The following RALYL variants were observed in gnomAD, a reference collection of about 807,000 sequenced individuals.
RALYL encodes the protein RNA-binding Raly-like protein.
Under a neutral mutation model 35.1 loss-of-function variants are expected in RALYL, and 29 were observed. That is an observed-to-expected ratio of 0.83 (90% CI 0.61 to 1.13). RALYL has a LOEUF of 1.13. RALYL is among the 50% of genes most tolerant of loss of function. The probability of loss-of-function intolerance (pLI) is 0.00; values close to 1 mark genes in which losing one functional copy is unlikely to be tolerated. For missense variants in RALYL, 359 were observed against 360.4 expected (o/e 1.00, Z 0.03); for synonymous variants, 120 against 127.6 (o/e 0.94, Z 0.40).
At chr8:84,785,499 A>T (rs1407547764) in intron 3 of RALYL, among the ~76,000 whole-genome samples, 1 of 152,242 alleles carries the variant, frequency 6.6e-6, no homozygotes. Flanking sequence ...GACTAAAGTC[A>T]GACATACATG....
At position 84,921,610 on chromosome 8, in the gene RALYL, T is replaced by A. The variant is rs1401503078; in HGVS notation, c.*699T>A. ...TGAGATTCCATGGACAAGTAAGGAC[T>A]AGATTGCCAAGGAAAAGACTGTCTT... On this transcript the variant is annotated 3_prime_UTR_variant, in exon 9 of 9. Transcript: ENST00000521268. 6.6e-6 allele frequency: 1 copy of A among 152,156 alleles called. No homozygotes were observed. The highest frequency in any genetic ancestry group is 1.5e-5 in the Non-Finnish European group (1 of 67,996). 9.4% of individuals were successfully genotyped at this position (152,156 alleles called of 1,614,324 possible).
chr8:84,290,807 A>C (rs529037175), intron 1 of RALYL, among the ~76,000 whole-genome samples: 2 of 152,296 alleles, frequency 1.3e-5, no homozygotes, highest in African/African-American at 4.8e-5. Context: ...ATGTTCATTA[A>C]ATTCTGAAAG....
At chr8:84,729,164 G>T (rs1191394462) in intron 2 of RALYL, among the ~76,000 whole-genome samples, 1 of 152,058 alleles carries the variant, frequency 6.6e-6, no homozygotes, top group Non-Finnish European at 1.5e-5. Context: ...GCAGTGGTTT[G>T]TAGTTCTCCT....
At chr8:84,627,956 G>A (rs977279431) in intron 2 of RALYL, among the ~76,000 whole-genome samples, 7 of 151,982 alleles carry the variant, frequency 4.6e-5, no homozygotes, top group South Asian at 2.1e-4. Context: ...CATTTGGACC[G>A]TTATATTAGA....
intron 2 of RALYL, among the ~76,000 whole-genome samples, chr8:84,756,560 G>T (rs1811452056): frequency 6.6e-6 from 1 of 152,078 alleles, no homozygotes; most frequent in African/African-American, 2.4e-5. Context: ...GAACCCACTA[G>T]TAACACACAC....
At chr8:84,743,438 CA>C (rs879874430) in intron 2 of RALYL, among the ~76,000 whole-genome samples, 202 of 143,216 alleles carry the variant, frequency 1.4e-3, no homozygotes, top group Middle Eastern at 7.1e-3. Context: ...TCACCACCAA[CA>C]AAAAAAAAAA....
At chr8:84,759,950 G>A (rs918142453) in intron 2 of RALYL, among the ~76,000 whole-genome samples, 16 of 152,102 alleles carry the variant, frequency 1.1e-4, no homozygotes, top group Non-Finnish European at 2.4e-4. Flanking sequence ...TTTCAGGCAG[G>A]TACCCAGCAT....
chr8:84,416,864 A>G (rs1358889186), intron 1 of RALYL, among the ~76,000 whole-genome samples: 1 of 152,200 alleles, frequency 6.6e-6, no homozygotes, highest in Non-Finnish European at 1.5e-5. Context: ...AAAGGAAGGA[A>G]TTCTGGTAAA....
At chr8:84,407,139 T>C (rs1345537548) in intron 1 of RALYL, among the ~76,000 whole-genome samples, 1 of 152,002 alleles carries the variant, frequency 6.6e-6, no homozygotes, top group Non-Finnish European at 1.5e-5. Context: ...CCATCTGTCA[T>C]TTCCATATCT....
intron 1 of RALYL, among the ~76,000 whole-genome samples, chr8:84,207,290 A>C (rs1361500271): frequency 6.6e-6 from 1 of 151,978 alleles, no homozygotes; most frequent in Non-Finnish European, 1.5e-5. Flanking sequence ...GAATAAAGAA[A>C]ATGTTATATA....
At chr8:84,291,243 A>G (rs1057264759) in intron 1 of RALYL, among the ~76,000 whole-genome samples, 1 of 152,200 alleles carries the variant, frequency 6.6e-6, no homozygotes, top group Non-Finnish European at 1.5e-5. Context: ...ATCCAGTCTT[A>G]TTTAAAAAAG....
At chr8:84,460,101 T>C (rs1462011113) in intron 1 of RALYL, among the ~76,000 whole-genome samples, 1 of 151,806 alleles carries the variant, frequency 6.6e-6, no homozygotes, top group Non-Finnish European at 1.5e-5. Flanking sequence ...TATACAAATA[T>C]ACCTGGAGGT....
chr8:84,396,802 A>C (rs1861842000), intron 1 of RALYL, among the ~76,000 whole-genome samples: 1 of 152,156 alleles, frequency 6.6e-6, no homozygotes, highest in African/African-American at 2.4e-5. Flanking sequence ...AGTCACATTA[A>C]AATGATCAGG....
intron 1 of RALYL, among the ~76,000 whole-genome samples, chr8:84,424,718 G>A (rs1312018644): frequency 6.6e-5 from 10 of 151,908 alleles, no homozygotes; most frequent in South Asian, 2.1e-4. Context: ...TGATGTACAG[G>A]TGGGTTTTTG....
intron 1 of RALYL, among the ~76,000 whole-genome samples, chr8:84,405,246 C>T (rs568069703): frequency 2.2e-4 from 33 of 152,184 alleles, no homozygotes; most frequent in African/African-American, 7.7e-4. Context: ...GCACTAAATG[C>T]CCACAGTAGA....
intron 1 of RALYL, among the ~76,000 whole-genome samples, chr8:84,387,804 T>A (rs1396997305): frequency 3.5e-5 from 3 of 85,944 alleles, no homozygotes; most frequent in Admixed American, 1.1e-4. Context: ...TCTTTCTTTC[T>A]TTTTTTTTTT....
intron 2 of RALYL, among the ~76,000 whole-genome samples, chr8:84,594,465 G>C (rs1181505895): frequency 6.6e-6 from 1 of 151,756 alleles, no homozygotes; most frequent in Non-Finnish European, 1.5e-5. Flanking sequence ...TTCATATATA[G>C]ATAAAAATGA....
At chr8:84,803,086 T>C (rs373603330) in intron 3 of RALYL, among the ~76,000 whole-genome samples, 26 of 152,134 alleles carry the variant, frequency 1.7e-4, no homozygotes, top group African/African-American at 5.1e-4. Flanking sequence ...GTATAGAAAA[T>C]GGGGAACATA....
At chr8:84,909,646 A>C (rs1250440498) in intron 8 of RALYL, among the ~76,000 whole-genome samples, 2 of 152,136 alleles carry the variant, frequency 1.3e-5, no homozygotes, top group African/African-American at 2.4e-5. Flanking sequence ...CCAAATATGA[A>C]GACTTACGTG....
Sources: gnomAD v4.1 joint callset for allele counts (sites outside exome capture counted in the v4.1 genomes callset) on GRCh38, gnomAD v4.1.1 for gene constraint, MANE v1.5 for transcripts, NCBI Gene and HGNC (gene_info 2026-07-23, HGNC 2026-07-21) for gene names.